Variants in NPR3 observed in about 807,000 individuals in gnomAD.
NPR3 encodes the protein natriuretic peptide receptor 3.
Under a neutral mutation model 54.5 loss-of-function variants are expected in NPR3, and 34 were observed. That is an observed-to-expected ratio of 0.62 (90% CI 0.47 to 0.83). The LOEUF (loss-of-function observed/expected upper bound fraction) is 0.83. Ranked by LOEUF, NPR3 falls within the 40% of genes least tolerant of loss-of-function variation. The probability of loss-of-function intolerance (pLI) is 0.00; values close to 1 mark genes in which losing one functional copy is unlikely to be tolerated. For synonymous variants in NPR3, 289 were observed against 297.1 expected (o/e 0.97, Z 0.28); for missense variants, 674 against 720.8 (o/e 0.94, Z 0.74).
chr5:32,732,550 G>A (rs1253239242), intron 2 of NPR3, among the ~76,000 whole-genome samples: 24 of 152,192 alleles, frequency 1.6e-4, no homozygotes, highest in Non-Finnish European at 2.9e-5. Context: ...GAAGAAGAGA[G>A]CATGGATGTA....
Position 32,724,731 on chromosome 5 carries a change from G to A in NPR3, c.803G>A (p.Arg268Gln), listed in dbSNP as rs775585104. 9 of 1,613,726 alleles carry A rather than the reference G, an allele frequency of 5.6e-6. No individual in the cohort carries two copies. The highest frequency in any genetic ancestry group is 2.2e-5 in the East Asian group (1 of 44,898). ...VIMCASSDTI[R>Q]SIMLVAHRHG... ...ATGTGTGCGAGCAGTGACACCATCC[G>A]GAGCATCATGCTGGTGGCGCACAGG... Residue 268 changes from arginine (R) to glutamine (Q), a missense_variant, in exon 2 of 8, where the codon CGG (arginine) becomes CAG (glutamine). Arg to Gln is a conservative substitution (Grantham distance 43). Transcript: ENST00000265074.
chr5:32,697,679 G>A (rs537076739), intron 1 of NPR3, among the ~76,000 whole-genome samples: 100 of 152,104 alleles, frequency 6.6e-4, no homozygotes, highest in African/African-American at 2.4e-3. Flanking sequence ...CTTGTTATTG[G>A]TCTGTTCAGG....
intron 3 of NPR3, among the ~76,000 whole-genome samples, chr5:32,770,030 A>G (rs1289339632): frequency 1.3e-5 from 2 of 152,204 alleles, no homozygotes; most frequent in East Asian, 3.8e-4. Flanking sequence ...AGAGGATCTA[A>G]AAAAACACTA....
At chr5:32,738,291 C>T (rs1455059831) in intron 2 of NPR3, among the ~76,000 whole-genome samples, 1 of 152,026 alleles carries the variant, frequency 6.6e-6, no homozygotes, top group Non-Finnish European at 1.5e-5. Flanking sequence ...TTCCCCTGCC[C>T]CCCACCCCCT....
Position 32,712,055 on chromosome 5 carries a change from GC to G in NPR3, c.281del (p.Pro94ArgfsTer94). On this transcript the variant is annotated frameshift_variant, in exon 1 of 8. Coordinates refer to ENST00000265074, the MANE Select transcript of NPR3 (RefSeq NM_001204375.2). LOFTEE classifies it high-confidence loss of function. ...GCAACGGGACTGGGAGGCGGCTTCTGCCGCCGGGCACTCGCTTCCAGGTGGC... is the reference window on the plus strand; with the variant it reads ...GCAACGGGACTGGGAGGCGGCTTCTGCGCCGGGCACTCGCTTCCAGGTGGC... The part of the protein sequence containing the change: ...EGNGTGRRLL[P>X]PGTRFQVAYE... 6.2e-7 allele frequency: 1 copy of G among 1,613,842 alleles called. No individual in the cohort carries two copies. Among genetic ancestry groups the G allele is most frequent in the Non-Finnish European group, 8.5e-7 (1 of 1,179,812 alleles).
At chr5:32,721,183 T>C (rs535937257) in intron 1 of NPR3, among the ~76,000 whole-genome samples, 1 of 152,334 alleles carries the variant, frequency 6.6e-6, no homozygotes, top group African/African-American at 2.4e-5. Flanking sequence ...GTGCATTATG[T>C]GTTTGGTTCA....
intron 1 of NPR3, among the ~76,000 whole-genome samples, chr5:32,692,946 C>T (rs918434743): frequency 8.5e-5 from 13 of 152,210 alleles, no homozygotes; most frequent in Middle Eastern, 3.4e-3. Context: ...CATAGTGAGA[C>T]CCCTGTCTCT....
At chr5:32,749,142 C>T (rs1414683158) in intron 3 of NPR3, among the ~76,000 whole-genome samples, 7 of 151,954 alleles carry the variant, frequency 4.6e-5, no homozygotes, top group Non-Finnish European at 4.4e-5. Context: ...TTTAACTTAT[C>T]CAAAATTGAG....
chr5:32,707,567 C>T (rs1738028875), upstream of NPR3, among the ~76,000 whole-genome samples: 1 of 152,120 alleles, frequency 6.6e-6, no homozygotes, highest in Non-Finnish European at 1.5e-5. Flanking sequence ...AATGTTCTTT[C>T]ATCTTTTCTG....
Position 32,713,563 on chromosome 5 carries a change from G to T in NPR3, c.769+1018G>T, listed in dbSNP as rs1372127289. The T allele has an allele frequency of 1.1e-5, 9 of 789,634 alleles. No homozygotes were observed. In the East Asian group the frequency reaches 1.1e-3, roughly 99 times the overall value. 48.9% of individuals were successfully genotyped at this position (789,634 alleles called of 1,614,324 possible). A position where few individuals can be genotyped will look rare whatever the true frequency, so the allele number is the denominator to read the frequency against. ...CTCTGCTCCCCCTTGGCGCTCACGC[G>T]CCTGGAATGTGAGTGGTGCAATCCC... On this transcript the variant is annotated intron_variant, in intron 1 of 7. Transcript: ENST00000265074.
At chr5:32,759,776 C>A (rs1158897339) in intron 3 of NPR3, among the ~76,000 whole-genome samples, 1 of 152,192 alleles carries the variant, frequency 6.6e-6, no homozygotes, top group Non-Finnish European at 1.5e-5. Flanking sequence ...GTGCTTCCTT[C>A]AGGAGCTCTT....
rs1424600074 is a variant in NPR3, at chr5:32,790,031, T to A, written c.*3686T>A. 1 of 228,976 alleles carries A rather than the reference T, an allele frequency of 4.4e-6. No homozygotes were observed. Among genetic ancestry groups the A allele is most frequent in the Non-Finnish European group, 9.5e-6 (1 of 105,266 alleles). 14.2% of individuals were successfully genotyped at this position (228,976 alleles called of 1,614,324 possible). On this transcript the variant is annotated 3_prime_UTR_variant, in exon 8 of 8. Coordinates refer to ENST00000265074, the MANE Select transcript of NPR3 (RefSeq NM_001204375.2). ...TCGACCTACAGACATTTCATGGGTT[T>A]TATTTAATCACACCCCATGGTTTGG...
At chr5:32,713,536 GTC>G in intron 1 of NPR3, 1 of 894,942 alleles carries the variant, frequency 1.1e-6, no homozygotes, top group Non-Finnish European at 1.3e-6. Context: ...AGGGAATCCC[GTC>G]TCTGCTCCCC....
chr5:32,760,202 A>G (rs920593699), intron 3 of NPR3, among the ~76,000 whole-genome samples: 1 of 151,946 alleles, frequency 6.6e-6, no homozygotes, highest in East Asian at 1.9e-4. Context: ...TTGCGGACCC[A>G]TGCTTTCATT....
intron 4 of NPR3, among the ~76,000 whole-genome samples, chr5:32,779,794 G>C (rs988120276): frequency 6.6e-6 from 1 of 152,162 alleles, no homozygotes; most frequent in Non-Finnish European, 1.5e-5. Flanking sequence ...AAAATAAATA[G>C]TAGTAATAAT....
chr5:32,747,874 A>G (rs1252370092), intron 3 of NPR3, among the ~76,000 whole-genome samples: 3 of 148,826 alleles, frequency 2.0e-5, no homozygotes, highest in Non-Finnish European at 4.5e-5. Flanking sequence ...TTCCACCTCA[A>G]CCTCCTGTGT....
At chr5:32,736,821 C>T (rs113820730) in intron 2 of NPR3, among the ~76,000 whole-genome samples, 125 of 152,212 alleles carry the variant, frequency 8.2e-4, no homozygotes, top group African/African-American at 2.8e-3. Context: ...AAGTTTTGCT[C>T]GGTGGCCTGA....
intron 3 of NPR3, among the ~76,000 whole-genome samples, chr5:32,742,372 A>G (rs1740081892): frequency 6.6e-6 from 1 of 152,152 alleles, no homozygotes; most frequent in African/African-American, 2.4e-5. Flanking sequence ...CTGTAATCCC[A>G]GGTACTTGGG....
chr5:32,759,562 T>C (rs1280467845), intron 3 of NPR3, among the ~76,000 whole-genome samples: 2 of 152,234 alleles, frequency 1.3e-5, no homozygotes, highest in Non-Finnish European at 2.9e-5. Context: ...TTATCCAATT[T>C]GCCAGTCTGT....
Sources: gnomAD v4.1 joint callset for allele counts (sites outside exome capture counted in the v4.1 genomes callset) on GRCh38, gnomAD v4.1.1 for gene constraint, MANE v1.5 for transcripts, NCBI Gene and HGNC (gene_info 2026-07-23, HGNC 2026-07-21) for gene names.